Variants in BCL11A observed in about 807,000 individuals in gnomAD.
BCL11A encodes BCL11 transcription factor A.
A neutral mutation model predicts 55.9 loss-of-function variants in BCL11A; 2 were observed. That is an observed-to-expected ratio of 0.04 (90% CI 0.01 to 0.11). BCL11A has a LOEUF of 0.11. Ranked by LOEUF, BCL11A falls within the 10% of genes least tolerant of loss-of-function variation. BCL11A has a pLI of 1.00. For synonymous variants in BCL11A, 465 were observed against 473.4 expected, an observed-to-expected ratio of 0.98 and a Z score of 0.23; for missense variants, 817 against 1,137.1, an observed-to-expected ratio of 0.72 and a Z score of 4.05.
rs142120696 is a variant in BCL11A at position 60,461,604 on chromosome 2, G to A, written c.1308C>T (p.Val436=). 1.4e-3 allele frequency: 2,258 copies of A among 1,613,502 alleles called. 5 individuals carry two copies. The highest frequency in any genetic ancestry group is 3.9e-3 in the South Asian group (357 of 91,090). ...THMHKSSPMT[V]KSDDGLSTAS... ...CGGTGGAGAGACCGTCGTCGGACTT[G>A]ACCGTCATGGGGGACGATTTGTGCA... Residue 436 remains valine (V), a synonymous_variant, in exon 4 of 4, where the codon GTC becomes GTT. Coordinates refer to ENST00000642384, the MANE Select transcript of BCL11A (RefSeq NM_022893.4).
intron 2 of BCL11A, among the ~76,000 whole-genome samples, chr2:60,477,458 A>C (rs1467321897): frequency 6.6e-6 from 1 of 152,172 alleles, no homozygotes; most frequent in East Asian, 1.9e-4. Flanking sequence ...ACATGGGTGG[A>C]GGGGCAAGGG....
chr2:60,551,773 T>C (rs1255551090), intron 1 of BCL11A, among the ~76,000 whole-genome samples: 1 of 150,664 alleles, frequency 6.6e-6, no homozygotes, highest in Non-Finnish European at 1.5e-5. Flanking sequence ...GCCTGGCGGG[T>C]GGGCGCCGGG....
downstream of BCL11A, among the ~76,000 whole-genome samples, chr2:60,455,802 G>T (rs1411280113): frequency 6.6e-6 from 1 of 152,062 alleles, no homozygotes; most frequent in African/African-American, 2.4e-5. Flanking sequence ...CATTTAATAG[G>T]GTGGAGTCGA....
At chr2:60,462,532 C>T (rs529459089) in intron 3 of BCL11A, 108 bp from the exon 4 acceptor site, 122 of 1,480,624 alleles carry the variant, frequency 8.2e-5, no homozygotes, top group Non-Finnish European at 1.1e-4. Flanking sequence ...CCCCTCAACC[C>T]CAAGGCCTAA....
downstream of BCL11A, among the ~76,000 whole-genome samples, chr2:60,454,440 A>C (rs71526493): frequency 0.093 from 14,148 of 152,058 alleles, 823 homozygotes; most frequent in Non-Finnish European, 0.14. Context: ...AAGTTCCCAC[A>C]ATTTTTTTTT....
At chr2:60,552,595 G>C (rs930420522) in intron 1 of BCL11A, among the ~76,000 whole-genome samples, 7 of 152,314 alleles carry the variant, frequency 4.6e-5, no homozygotes, top group African/African-American at 1.7e-4. Flanking sequence ...CCGACTCCGC[G>C]GACTCAGGAG....
chr2:60,541,335 T>A (rs1669918561), intron 2 of BCL11A, among the ~76,000 whole-genome samples: 1 of 152,228 alleles, frequency 6.6e-6, no homozygotes, highest in South Asian at 2.1e-4. Flanking sequence ...TAGATATATT[T>A]TTTTTTTCCT....
chr2:60,458,276 T>C lies in BCL11A; in HGVS notation c.*2128A>G. On this transcript the variant is annotated 3_prime_UTR_variant, in exon 4 of 4. Coordinates refer to ENST00000642384, the MANE Select transcript of BCL11A (RefSeq NM_022893.4). ...TCTTAAACCTTTCCCCAATGTATGT[T>C]TTTTTTTTTTACAACCTGAAGAGCG... 3.1e-6 allele frequency: 3 copies of C among 971,918 alleles called. No individual in the cohort carries two copies. The highest frequency in any genetic ancestry group is 3.7e-6 in the Non-Finnish European group (3 of 807,168). 60.2% of individuals were successfully genotyped at this position (971,918 alleles called of 1,614,324 possible).
chr2:60,454,377 C>T (rs529645878), downstream of BCL11A, among the ~76,000 whole-genome samples: 2 of 152,214 alleles, frequency 1.3e-5, no homozygotes, highest in African/African-American at 4.8e-5. Context: ...TTTTAAGAAA[C>T]ATTTTTCCAA....
rs563673402 is a variant in BCL11A at position 60,481,186 on chromosome 2, C to A, written c.386-12353G>T. 4.4e-4 allele frequency among the ~76,000 whole-genome samples: 67 copies of A among 152,198 alleles called. 1 individual carries two copies. The South Asian group carries it at 9.8e-3, about 22-fold the overall frequency. ...GCTCAAGGAGATTGAGGCTTCCCAGCCCCAAAACTGGGAAGGGCCCTGGAA... is the reference window on the plus strand; with the variant it reads ...GCTCAAGGAGATTGAGGCTTCCCAGACCCAAAACTGGGAAGGGCCCTGGAA... On this transcript the variant is annotated intron_variant, in intron 2 of 3. Coordinates refer to ENST00000642384, the MANE Select transcript of BCL11A (RefSeq NM_022893.4).
At position 60,551,763 on chromosome 2, in the gene BCL11A, G is replaced by A. The variant is rs1179970626; in HGVS notation, c.55+1453C>T. ...GAGACACTGCGTGGCCTGCCGCCGT[G>A]CCTGGCGGGTGGGCGCCGGGCGCCG... On this transcript the variant is annotated intron_variant, in intron 1 of 3. Coordinates refer to ENST00000642384, the MANE Select transcript of BCL11A (RefSeq NM_022893.4). Among the ~76,000 whole-genome samples the A allele has an allele frequency of 6.6e-5, 10 of 151,122 alleles. No individual in the cohort carries two copies. The East Asian group carries it at 1.9e-3, about 29-fold the overall frequency.
chr2:60,467,096 ATG>A (rs1676663943), intron 3 of BCL11A, among the ~76,000 whole-genome samples: 1 of 113,734 alleles, frequency 8.8e-6, no homozygotes, highest in Admixed American at 8.2e-5. Context: ...GGTGGTGGTG[ATG>A]ATGGTGGTGG....
intron 2 of BCL11A, among the ~76,000 whole-genome samples, chr2:60,524,220 A>G (rs1669111948): frequency 6.6e-6 from 1 of 152,204 alleles, no homozygotes. Context: ...TTAACAATAC[A>G]ACGGCTGATA....
intron 2 of BCL11A, among the ~76,000 whole-genome samples, chr2:60,503,274 C>T (rs1167103914): frequency 6.6e-6 from 1 of 152,160 alleles, no homozygotes; most frequent in Non-Finnish European, 1.5e-5. Flanking sequence ...GAATGGGGTC[C>T]AACCAGGAGA....
chr2:60,548,305 A>AG (rs1670241418), intron 1 of BCL11A, among the ~76,000 whole-genome samples: 1 of 150,244 alleles, frequency 6.7e-6, no homozygotes. Flanking sequence ...AAAAAAAAAA[A>AG]TTTTTTATTT....
chr2:60,454,596 G>C (rs71541952), downstream of BCL11A, among the ~76,000 whole-genome samples: 7 of 152,222 alleles, frequency 4.6e-5, no homozygotes, highest in Non-Finnish European at 1.0e-4. Flanking sequence ...GTGTACGGAG[G>C]GGGAAAAGAG....
chr2:60,480,506 C>A (rs955675946), intron 2 of BCL11A, among the ~76,000 whole-genome samples: 1 of 152,152 alleles, frequency 6.6e-6, no homozygotes, highest in African/African-American at 2.4e-5. Context: ...CAGCAGTGAC[C>A]AGGGGAAACC....
intron 2 of BCL11A, chr2:60,545,010 G>A (rs553774089): frequency 9.8e-5 from 15 of 152,296 alleles, no homozygotes; most frequent in African/African-American, 3.6e-4. Context: ...AAGGAGGGAG[G>A]GCTGTTGAAT....
chr2:60,530,834 C>G (rs982989885), intron 2 of BCL11A, among the ~76,000 whole-genome samples: 3 of 152,176 alleles, frequency 2.0e-5, no homozygotes, highest in African/African-American at 7.2e-5. Flanking sequence ...CCCACTACCC[C>G]TCCTGAGTCT....
Sources: allele counts gnomAD v4.1 joint callset (sites outside exome capture counted in the v4.1 genomes callset), GRCh38; gene constraint gnomAD v4.1.1; transcripts MANE v1.5; gene names NCBI Gene and HGNC (gene_info 2026-07-23, HGNC 2026-07-21).